IL15: variants seen among roughly 807,000 people sequenced by gnomAD.
The protein encoded by IL15 is interleukin-15.
In IL15, 11 loss-of-function variants were observed where a neutral mutation model predicts 19.6. The observed-to-expected ratio is 0.56, with a 90% CI of 0.35 to 0.93. The LOEUF (loss-of-function observed/expected upper bound fraction) is 0.93. Among genes scored for constraint, IL15 ranks in the 40% least tolerant of loss-of-function variants. IL15 has a pLI of 0.01. For missense variants in IL15, 197 were observed against 186.5 expected (o/e 1.06, Z -0.33); for synonymous variants, 58 against 59.6 (o/e 0.97, Z 0.12).
chr4:141,679,054 C>T (rs1352655959), intron 2 of IL15, among the ~76,000 whole-genome samples: 1 of 151,982 alleles, frequency 6.6e-6, no homozygotes, highest in Non-Finnish European at 1.5e-5. Flanking sequence ...CTTCTTTTTC[C>T]TCATGACTCA....
intron 2 of IL15, among the ~76,000 whole-genome samples, chr4:141,714,063 T>G (rs1163147485): frequency 6.6e-6 from 1 of 152,126 alleles, no homozygotes; most frequent in Admixed American, 6.6e-5. Flanking sequence ...ATGGCTATTT[T>G]GTGTGTCCTC....
At chr4:141,703,611 C>T (rs1247792015) in intron 2 of IL15, among the ~76,000 whole-genome samples, 1 of 151,710 alleles carries the variant, frequency 6.6e-6, no homozygotes, top group East Asian at 1.9e-4. Context: ...ACTCTGGGAA[C>T]TTTTATTTTT....
intron 5 of IL15, among the ~76,000 whole-genome samples, chr4:141,725,529 G>A (rs529917657): frequency 3.3e-5 from 5 of 152,272 alleles, no homozygotes; most frequent in African/African-American, 1.2e-4. Flanking sequence ...CTCCTGAATT[G>A]TGAGAAAATA....
At chr4:141,645,340 G>A (rs115113982) in intron 1 of IL15, among the ~76,000 whole-genome samples, 2,248 of 152,138 alleles carry the variant, frequency 0.015, 34 homozygotes, top group Non-Finnish European at 0.021. Context: ...CTTAATGAAG[G>A]GCCTCCATGC....
chr4:141,655,643 A>G (rs1727565833), intron 1 of IL15, among the ~76,000 whole-genome samples: 1 of 152,176 alleles, frequency 6.6e-6, no homozygotes, highest in Admixed American at 6.6e-5. Context: ...AGGTTTTCTA[A>G]TTAAATAATC....
intron 5 of IL15, among the ~76,000 whole-genome samples, chr4:141,726,129 C>T (rs1730255999): frequency 6.6e-6 from 1 of 152,054 alleles, no homozygotes; most frequent in South Asian, 2.1e-4. Flanking sequence ...CTCAATACTG[C>T]CACATTGGGG....
intron 2 of IL15, among the ~76,000 whole-genome samples, chr4:141,666,302 A>G (rs1727983389): frequency 6.6e-6 from 1 of 151,214 alleles, no homozygotes; most frequent in East Asian, 2.0e-4. Context: ...AGCACTTTGG[A>G]AAGCCGAGGC....
chr4:141,712,641 A>G (rs1323163959), intron 2 of IL15, among the ~76,000 whole-genome samples: 3 of 148,266 alleles, frequency 2.0e-5, no homozygotes, highest in Non-Finnish European at 4.5e-5. Context: ...TATTGTTTAA[A>G]TATATATTTC....
At chr4:141,709,926 C>T (rs1235736844) in intron 2 of IL15, among the ~76,000 whole-genome samples, 1 of 151,928 alleles carries the variant, frequency 6.6e-6, no homozygotes, top group Non-Finnish European at 1.5e-5. Context: ...CTCCTCCCAC[C>T]CTCCCCCCAC....
chr4:141,647,781 G>A (rs1727279111), intron 1 of IL15, among the ~76,000 whole-genome samples: 1 of 151,936 alleles, frequency 6.6e-6, no homozygotes, highest in Non-Finnish European at 1.5e-5. Flanking sequence ...CGTTTTCCTG[G>A]CGAGACACTA....
intron 2 of IL15, among the ~76,000 whole-genome samples, chr4:141,693,864 G>T (rs1331495180): frequency 4.6e-5 from 7 of 152,182 alleles, no homozygotes; most frequent in Non-Finnish European, 8.8e-5. Context: ...AGAGTTTTTT[G>T]ATTGTACTGA....
At position 141,733,330 on chromosome 4, in the gene IL15, C is replaced by A. The variant is rs1265211518; in HGVS notation, c.*482C>A. 6.6e-6 allele frequency: 1 copy of A among 152,538 alleles called. No individual in the cohort carries two copies. The highest frequency in any genetic ancestry group is 1.5e-5 in the Non-Finnish European group (1 of 68,374). The allele number at this position is 152,538 out of a possible 1,614,324, so 9.4% of individuals were successfully genotyped here. A position where few individuals can be genotyped will look rare whatever the true frequency, so the allele number is the denominator to read the frequency against. ...TCATTGACTTCCTTACTAAGCATAGCAAACAGAGGAAGAATTTGTTATCAG... is the reference window on the plus strand; with the variant it reads ...TCATTGACTTCCTTACTAAGCATAGAAAACAGAGGAAGAATTTGTTATCAG... On this transcript the variant is annotated 3_prime_UTR_variant, in exon 8 of 8. Transcript: ENST00000320650.
chr4:141,720,580 T>C lies in IL15; in HGVS notation c.110+14T>C, dbSNP rs1730041355. On this transcript the variant is annotated intron_variant, in intron 4 of 7. Coordinates refer to ENST00000320650, the MANE Select transcript of IL15 (RefSeq NM_000585.5). ...CTTCATTTTGGGGTAATTTTATCTT[T>C]AGGCATAAATAACATTATGTTCATG... is the stretch of plus-strand genomic sequence containing the variant. The C allele has an allele frequency of 1.6e-6, 2 of 1,217,010 alleles. No homozygotes were observed. The highest frequency in any genetic ancestry group is 2.4e-6 in the Non-Finnish European group (2 of 818,040). The allele number at this position is 1,217,010 out of a possible 1,614,324, so 75.4% of individuals were successfully genotyped here. A position where few individuals can be genotyped will look rare whatever the true frequency, so the allele number is the denominator to read the frequency against.
intron 2 of IL15, among the ~76,000 whole-genome samples, chr4:141,670,191 A>G (rs1728125225): frequency 6.6e-6 from 1 of 151,986 alleles, no homozygotes; most frequent in Non-Finnish European, 1.5e-5. Flanking sequence ...TTCTGTGGAA[A>G]TTAATGCAAA....
intron 2 of IL15, among the ~76,000 whole-genome samples, chr4:141,700,107 T>C (rs187258114): frequency 2.8e-4 from 42 of 152,086 alleles, no homozygotes; most frequent in African/African-American, 9.4e-4. Context: ...TTAGTACAGA[T>C]AGGGTGTCAC....
chr4:141,649,092 C>T (rs1185463589), intron 1 of IL15, among the ~76,000 whole-genome samples: 1 of 152,000 alleles, frequency 6.6e-6, no homozygotes, highest in Non-Finnish European at 1.5e-5. Context: ...CCTTTCATAG[C>T]CAAATATTTT....
intron 1 of IL15, among the ~76,000 whole-genome samples, chr4:141,639,071 T>A (rs1192836669): frequency 6.6e-6 from 1 of 152,220 alleles, no homozygotes; most frequent in Admixed American, 6.5e-5. Context: ...TTATTATGTA[T>A]CAGACATTGT....
chr4:141,712,953 G>A (rs190158990), intron 2 of IL15, among the ~76,000 whole-genome samples: 2 of 151,600 alleles, frequency 1.3e-5, no homozygotes, highest in East Asian at 3.9e-4. Context: ...GTTTTGATAA[G>A]CTGAAATTTA....
chr4:141,671,892 G>T (rs1170838900), intron 2 of IL15, among the ~76,000 whole-genome samples: 1 of 152,216 alleles, frequency 6.6e-6, no homozygotes, highest in Non-Finnish European at 1.5e-5. Flanking sequence ...GGAGAAGGGT[G>T]CATGGGATGG....
Sources: gnomAD v4.1 joint callset for allele counts (sites outside exome capture counted in the v4.1 genomes callset) on GRCh38, gnomAD v4.1.1 for gene constraint, MANE v1.5 for transcripts, NCBI Gene and HGNC (gene_info 2026-07-23, HGNC 2026-07-21) for gene names.